QKI: variants seen among roughly 807,000 people sequenced by gnomAD.
QKI encodes KH domain-containing RNA-binding protein QKI.
A neutral mutation model predicts 39.0 loss-of-function variants in QKI; 10 were observed. That is an observed-to-expected ratio of 0.26 (90% CI 0.16 to 0.43). The LOEUF is 0.43. QKI is among the 20% of genes least tolerant of loss of function. QKI has a pLI of 1.00. For synonymous variants in QKI, 204 were observed against 155.4 expected (o/e 1.31, Z -2.33); for missense variants, 218 against 428.0 (o/e 0.51, Z 4.33).
In QKI at chr6:163,485,293, C is replaced by A. The variant is rs746597196; in HGVS notation, c.402+6397C>A. 2.6e-4 allele frequency among the ~76,000 whole-genome samples: 40 copies of A among 152,246 alleles called. 1 individual carries two copies. The highest frequency in any genetic ancestry group is 5.3e-4 in the Non-Finnish European group (36 of 68,012). On this transcript the variant is annotated intron_variant, in intron 3 of 7. Transcript: ENST00000361752. ...GGTGTTTCACTTGAGGTTGCAGAGG[C>A]CGTATCCAGGGCTGTGAAAGAAATG...
intron 7 of QKI, chr6:163,567,298 G>A: frequency 2.0e-6 from 2 of 985,800 alleles, no homozygotes; most frequent in Non-Finnish European, 2.4e-6. Context: ...AAACATGAGG[G>A]TGCACATGTC....
chr6:163,493,023 C>T (rs1778159197), intron 3 of QKI, among the ~76,000 whole-genome samples: 2 of 152,096 alleles, frequency 1.3e-5, no homozygotes, highest in East Asian at 1.9e-4. Flanking sequence ...ATCTAATCTT[C>T]CCCATTTAGC....
chr6:163,529,916 C>T (rs1341909444), intron 3 of QKI, among the ~76,000 whole-genome samples: 1 of 152,122 alleles, frequency 6.6e-6, no homozygotes, highest in East Asian at 1.9e-4. Flanking sequence ...CCAGTTTGGA[C>T]ATGTGGAGTT....
intron 7 of QKI, chr6:163,570,444 G>GT (rs35227460): frequency 0.082 from 72,290 of 884,172 alleles, 122 homozygotes; most frequent in African/African-American, 0.14. Flanking sequence ...TTGTTAACCA[G>GT]TTTTTTTTTT....
chr6:163,486,458 T>C (rs1777688190), intron 3 of QKI, among the ~76,000 whole-genome samples: 3 of 152,236 alleles, frequency 2.0e-5, no homozygotes, highest in Non-Finnish European at 4.4e-5. Flanking sequence ...GGTGGAATTC[T>C]TGAATTTTGT....
rs1783995698 is a variant in QKI at position 163,576,753 on chromosome 6, A to T, written c.*6043A>T. ...TCCACCCCCAGAAAATGCATGTATC[A>T]ATATGAGAATAAAGAACGCACACTT... On this transcript the variant is annotated 3_prime_UTR_variant, in exon 8 of 8. Transcript: ENST00000361752. 6.6e-6 allele frequency: 1 copy of T among 152,204 alleles called. No individual in the cohort carries two copies. Among genetic ancestry groups the T allele is most frequent in the African/African-American group, 2.4e-5 (1 of 41,458 alleles). The allele number at this position is 152,204 out of a possible 1,614,324, so 9.4% of individuals were successfully genotyped here. A position where few individuals can be genotyped will look rare whatever the true frequency, so the allele number is the denominator to read the frequency against.
chr6:163,513,519 A>G (rs1365458015), intron 3 of QKI, among the ~76,000 whole-genome samples: 3 of 152,222 alleles, frequency 2.0e-5, no homozygotes, highest in African/African-American at 4.8e-5. Flanking sequence ...GTATACATTA[A>G]AAGAAAAATG....
Position 163,415,325 on chromosome 6 carries a change from G to T in QKI, c.132G>T (p.Leu44=). The change falls in exon 1 of 8, where the codon CTG becomes CTT. Residue 44 remains leucine (L), a synonymous_variant. Coordinates refer to ENST00000361752, the MANE Select transcript of QKI (RefSeq NM_006775.3). ...FCGIFNHLER[L]LDEEISRVRK... The stretch of plus-strand genomic sequence containing the variant: ...GGATCTTCAACCACCTCGAGCGGCT[G>T]CTGGACGAAGGTGAGCGTCTCCAGG... The T allele has an allele frequency of 6.3e-7, 1 of 1,589,734 alleles. No homozygotes were observed. The highest frequency in any genetic ancestry group is 8.6e-7 in the Non-Finnish European group (1 of 1,164,724).
At chr6:163,496,774 A>G (rs1372983409) in intron 3 of QKI, among the ~76,000 whole-genome samples, 5 of 152,134 alleles carry the variant, frequency 3.3e-5, no homozygotes, top group Admixed American at 2.6e-4. Context: ...GCCCTTATGT[A>G]TGTGTAAACT....
intron 1 of QKI, among the ~76,000 whole-genome samples, chr6:163,447,445 T>C (rs1456902221): frequency 6.6e-6 from 1 of 152,066 alleles, no homozygotes; most frequent in Non-Finnish European, 1.5e-5. Flanking sequence ...ACAGTAAAAT[T>C]CATACCTTTA....
At chr6:163,564,718 G>A (rs1246041802) in intron 6 of QKI, 2 of 1,614,028 alleles carry the variant, frequency 1.2e-6, no homozygotes, top group South Asian at 2.2e-5. Context: ...TGACTTGCTG[G>A]ATGAAGGACT....
At chr6:163,480,520 A>G (rs1444597271) in intron 3 of QKI, among the ~76,000 whole-genome samples, 3 of 152,168 alleles carry the variant, frequency 2.0e-5, no homozygotes, top group African/African-American at 7.2e-5. Context: ...TTAGTAGCCA[A>G]GAAATTTGGG....
rs557568413 is a variant in QKI at position 163,525,452 on chromosome 6, G to A, written c.403-9530G>A. ...TGCCTCACTGCAGCCTCTGCCTCCCGAATTCAAGCAGTTCTCCTGCCTCAG... is the reference window on the plus strand; with the variant it reads ...TGCCTCACTGCAGCCTCTGCCTCCCAAATTCAAGCAGTTCTCCTGCCTCAG... On this transcript the variant is annotated intron_variant, in intron 3 of 7. Transcript: ENST00000361752. Among the ~76,000 whole-genome samples the A allele has an allele frequency of 5.3e-4, 77 of 144,158 alleles. 1 individual carries two copies. The highest frequency in any genetic ancestry group is 5.0e-3 in the Admixed American group (74 of 14,698). 94.6% of individuals were successfully genotyped at this position (144,158 alleles called of 152,430 possible).
intron 2 of QKI, among the ~76,000 whole-genome samples, chr6:163,471,853 G>A (rs1792214858): frequency 6.6e-6 from 1 of 151,896 alleles, no homozygotes; most frequent in South Asian, 2.1e-4. Flanking sequence ...GATTTTTACA[G>A]GAGTCCTGTT....
chr6:163,447,250 T>A (rs1277505440), intron 1 of QKI, among the ~76,000 whole-genome samples: 1 of 55,550 alleles, frequency 1.8e-5, no homozygotes, highest in Non-Finnish European at 3.6e-5. Flanking sequence ...GTGCACGTGA[T>A]TTTTTTTTTT....
At chr6:163,535,502 A>C (rs1460447567) in intron 4 of QKI, among the ~76,000 whole-genome samples, 2 of 146,846 alleles carry the variant, frequency 1.4e-5, no homozygotes, top group African/African-American at 5.2e-5. Context: ...TAGAAATAAT[A>C]ATTGTACTAC....
At chr6:163,565,318 G>A (rs1783293714) in intron 6 of QKI, 1 of 986,314 alleles carries the variant, frequency 1.0e-6, no homozygotes, top group Non-Finnish European at 1.2e-6. Flanking sequence ...TTCCCGAGGA[G>A]TTATGACTCT....
At chr6:163,439,465 A>C (rs1789585256) in intron 1 of QKI, among the ~76,000 whole-genome samples, 1 of 147,174 alleles carries the variant, frequency 6.8e-6, no homozygotes, top group African/African-American at 2.5e-5. Context: ...CTCCTGCCTC[A>C]GTCTCCCGAG....
chr6:163,511,064 T>G (rs1480170837), intron 3 of QKI, among the ~76,000 whole-genome samples: 9 of 152,176 alleles, frequency 5.9e-5, no homozygotes, highest in Non-Finnish European at 1.0e-4. Flanking sequence ...GGATTAAGAT[T>G]ATATAGAGTA....
Sources: gnomAD v4.1 joint callset for allele counts (sites outside exome capture counted in the v4.1 genomes callset) on GRCh38, gnomAD v4.1.1 for gene constraint, MANE v1.5 for transcripts, NCBI Gene and HGNC (gene_info 2026-07-23, HGNC 2026-07-21) for gene names.